Variants in GRIA1 observed in about 807,000 individuals in gnomAD.
GRIA1 encodes glutamate receptor 1.
Under a neutral mutation model 99.2 loss-of-function variants are expected in GRIA1, and 31 were observed. The observed-to-expected ratio is 0.31, with a 90% CI of 0.23 to 0.42. The LOEUF (loss-of-function observed/expected upper bound fraction) is 0.42. GRIA1 is among the 10% of genes least tolerant of loss of function. The pLI, the probability that GRIA1 is intolerant of heterozygous loss-of-function variation, is 1.00. For synonymous variants in GRIA1, 438 were observed against 432.4 expected, an observed-to-expected ratio of 1.01 and a Z score of -0.16; for missense variants, 782 against 1,157.5, an observed-to-expected ratio of 0.68 and a Z score of 4.71.
In GRIA1 at chr5:153,542,180, CAG is replaced by C. The variant is rs529621009; in HGVS notation, c.220+48120_220+48121del. On this transcript the variant is annotated intron_variant, in intron 2 of 15. Coordinates refer to ENST00000285900, the MANE Select transcript of GRIA1 (RefSeq NM_000827.4). ...TGTCTATCCCAAAGTGCTTGATGTT[CAG>C]AGAGTAGCTCTAACCAAACTTTCCC... 4.1e-3 allele frequency among the ~76,000 whole-genome samples: 628 copies of C among 152,200 alleles called. 35 individuals are homozygous for C. The highest frequency in any genetic ancestry group is 0.037 in the Admixed American group (560 of 15,258).
chr5:153,580,928 C>A (rs1257945637), intron 2 of GRIA1, among the ~76,000 whole-genome samples: 2 of 152,206 alleles, frequency 1.3e-5, no homozygotes, highest in African/African-American at 4.8e-5. Flanking sequence ...AATAGGGCAG[C>A]AGCCGAGATG....
intron 11 of GRIA1, among the ~76,000 whole-genome samples, chr5:153,732,939 T>TTTTTTTTTTTGGTAGTA (rs70978506): frequency 6.8e-6 from 1 of 147,654 alleles, no homozygotes; most frequent in African/African-American, 2.5e-5. Flanking sequence ...TTTTTTTTTT[T>TTTTTTTTTTTGGTAGTA]CTTTGCATGT....
chr5:153,714,682 TA>T (rs1310216702), intron 11 of GRIA1, among the ~76,000 whole-genome samples: 1 of 152,226 alleles, frequency 6.6e-6, no homozygotes, highest in African/African-American at 2.4e-5. Flanking sequence ...AAAGCATAAC[TA>T]ATTGAATTGA....
chr5:153,761,148 A>G (rs1032454671), intron 11 of GRIA1, among the ~76,000 whole-genome samples: 1 of 152,152 alleles, frequency 6.6e-6, no homozygotes, highest in African/African-American at 2.4e-5. Context: ...TCAAAATCCC[A>G]GACAACAAAA....
intron 2 of GRIA1, among the ~76,000 whole-genome samples, chr5:153,527,832 A>T (rs1757741211): frequency 6.6e-6 from 1 of 152,238 alleles, no homozygotes; most frequent in Admixed American, 6.5e-5. Context: ...ACATTTCTTG[A>T]GATCTCAGTT....
intron 2 of GRIA1, among the ~76,000 whole-genome samples, chr5:153,626,834 A>AG (rs1767677419): frequency 6.6e-6 from 1 of 152,188 alleles, no homozygotes; most frequent in Non-Finnish European, 1.5e-5. Context: ...ATCCAAAAAA[A>AG]GAGCAGCAGC....
intron 5 of GRIA1, among the ~76,000 whole-genome samples, chr5:153,662,511 G>A (rs1755443450): frequency 6.6e-6 from 1 of 152,122 alleles, no homozygotes; most frequent in Non-Finnish European, 1.5e-5. Context: ...GGGGTGTCTG[G>A]GAAGGCTCGT....
intron 2 of GRIA1, among the ~76,000 whole-genome samples, chr5:153,579,924 T>C (rs1052970086): frequency 6.6e-6 from 1 of 151,760 alleles, no homozygotes; most frequent in Non-Finnish European, 1.5e-5. Flanking sequence ...ATCCTGAGCC[T>C]CACATTAAAC....
intron 11 of GRIA1, among the ~76,000 whole-genome samples, chr5:153,743,231 A>T (rs925439695): frequency 6.6e-6 from 1 of 152,218 alleles, no homozygotes; most frequent in Non-Finnish European, 1.5e-5. Flanking sequence ...GGAGTATTGT[A>T]TAATGATTGT....
intron 2 of GRIA1, among the ~76,000 whole-genome samples, chr5:153,524,761 C>G (rs545006): frequency 0.35 from 52,977 of 151,970 alleles, 9,538 homozygotes; most frequent in African/African-American, 0.44. Flanking sequence ...GGATTTGTAC[C>G]TTCTTGGCCA....
chr5:153,591,827 A>G (rs1763998485), intron 2 of GRIA1, among the ~76,000 whole-genome samples: 1 of 152,234 alleles, frequency 6.6e-6, no homozygotes, highest in Non-Finnish European at 1.5e-5. Flanking sequence ...ACTACAAACT[A>G]AGGAAGTAGA....
At chr5:153,760,698 A>G (rs978893937) in intron 11 of GRIA1, among the ~76,000 whole-genome samples, 4 of 152,190 alleles carry the variant, frequency 2.6e-5, no homozygotes, top group Non-Finnish European at 4.4e-5. Flanking sequence ...TGAAATAACA[A>G]AAGACCCTGA....
At chr5:153,492,367 A>G (rs1754005538) in intron 1 of GRIA1, 1 of 1,429,118 alleles carries the variant, frequency 7.0e-7, no homozygotes, top group Non-Finnish European at 9.3e-7. Flanking sequence ...CAGGGGAGAC[A>G]CTTCCCTTGT....
intron 2 of GRIA1, among the ~76,000 whole-genome samples, chr5:153,494,607 T>C (rs767421674): frequency 2.0e-5 from 3 of 152,176 alleles, no homozygotes; most frequent in Non-Finnish European, 4.4e-5. Context: ...ATTGGTTGTT[T>C]AAGGCACAGT....
Position 153,732,801 on chromosome 5 carries a change from C to A in GRIA1, c.1823+26734C>A, listed in dbSNP as rs142008536. Among the ~76,000 whole-genome samples the A allele has an allele frequency of 8.7e-3, 1,328 of 152,070 alleles. 7 individuals are homozygous for A. Among genetic ancestry groups the A allele is most frequent in the South Asian group, 0.014 (67 of 4,820 alleles). On this transcript the variant is annotated intron_variant, in intron 11 of 15. Coordinates refer to ENST00000285900, the MANE Select transcript of GRIA1 (RefSeq NM_000827.4). Reference sequence around the variant, plus strand: ...ATATTCAAAAAGTTATTGCCAAGACCAATGTCAAAAAGCTTTTGCTCTATG... The same window carrying A: ...ATATTCAAAAAGTTATTGCCAAGACAAATGTCAAAAAGCTTTTGCTCTATG...
chr5:153,599,686 C>A (rs147675325), intron 2 of GRIA1, among the ~76,000 whole-genome samples: 194 of 152,226 alleles, frequency 1.3e-3, no homozygotes, highest in African/African-American at 4.5e-3. Context: ...CCCACAGATA[C>A]AGAGGGGCAA....
intron 5 of GRIA1, among the ~76,000 whole-genome samples, chr5:153,657,972 C>T (rs936503010): frequency 6.6e-6 from 1 of 152,136 alleles, no homozygotes; most frequent in Non-Finnish European, 1.5e-5. Flanking sequence ...CATCCCTTGA[C>T]TCCCAGATCC....
intron 2 of GRIA1, among the ~76,000 whole-genome samples, chr5:153,609,324 T>A (rs1270015982): frequency 6.6e-6 from 1 of 152,182 alleles, no homozygotes; most frequent in Non-Finnish European, 1.5e-5. Context: ...TGCCCAGCTT[T>A]TCTTGTTGTT....
chr5:153,534,310 G>T (rs1758355857), intron 2 of GRIA1, among the ~76,000 whole-genome samples: 1 of 152,146 alleles, frequency 6.6e-6, no homozygotes, highest in South Asian at 2.1e-4. Flanking sequence ...TGAATGTTGA[G>T]CTGAAAGGCT....
Sources: gnomAD v4.1 joint callset for allele counts (sites outside exome capture counted in the v4.1 genomes callset) on GRCh38, gnomAD v4.1.1 for gene constraint, MANE v1.5 for transcripts, NCBI Gene and HGNC (gene_info 2026-07-23, HGNC 2026-07-21) for gene names.